Variants in POU2AF2 observed in about 807,000 individuals in gnomAD.
The protein encoded by POU2AF2 is POU domain class 2-associating factor 2.
the POU2AF2 span, among the ~76,000 whole-genome samples, chr11:111,276,011 G>C: frequency 0.01 from 1,548 of 152,226 alleles, 14 homozygotes; most frequent in South Asian, 0.017. Flanking sequence ...AAGGGATTTT[G>C]AGGATAATAG....
At chr11:111,262,824 C>T in the POU2AF2 span, among the ~76,000 whole-genome samples, 1 of 152,240 alleles carries the variant, frequency 6.6e-6, no homozygotes, top group African/African-American at 2.4e-5. Context: ...CTGATGTTTG[C>T]AACATGACCT....
chr11:111,262,081 T>C, the POU2AF2 span, among the ~76,000 whole-genome samples: 1 of 152,236 alleles, frequency 6.6e-6, no homozygotes, highest in Admixed American at 6.5e-5. Context: ...CCTAAATTCT[T>C]ACATTTAAAT....
the POU2AF2 span, among the ~76,000 whole-genome samples, chr11:111,272,981 A>C: frequency 7.9e-5 from 12 of 152,314 alleles, no homozygotes; most frequent in East Asian, 2.3e-3. Context: ...TTTCTGATGC[A>C]TAGTAGATGC....
At chr11:111,273,953 C>A in the POU2AF2 span, among the ~76,000 whole-genome samples, 1 of 152,140 alleles carries the variant, frequency 6.6e-6, no homozygotes, top group African/African-American at 2.4e-5. Context: ...AAATTATATA[C>A]CATCTCGCTT....
chr11:111,286,149 A>G, the POU2AF2 span: 3 of 1,419,894 alleles, frequency 2.1e-6, no homozygotes, highest in East Asian at 7.2e-5. Flanking sequence ...CTGGATTTTC[A>G]GAATAAGCCT....
the POU2AF2 span, among the ~76,000 whole-genome samples, chr11:111,267,583 T>C: frequency 6.6e-6 from 1 of 152,220 alleles, no homozygotes; most frequent in Non-Finnish European, 1.5e-5. Context: ...TGGGACTGGA[T>C]GCAGAATGCC....
the POU2AF2 span, among the ~76,000 whole-genome samples, chr11:111,264,550 AAGAAAGAAAGAAAGAAAGAAAGAAAGGG>A: frequency 1.8e-4 from 12 of 66,476 alleles, 2 homozygotes; most frequent in African/African-American, 5.2e-4. Flanking sequence ...GAAAGAAAGA[AAGAAAGAAAGAAAGAAAGAAAGAAAGGG>A]AGAGAGAAAG....
At chr11:111,266,071 T>C in the POU2AF2 span, among the ~76,000 whole-genome samples, 7 of 152,040 alleles carry the variant, frequency 4.6e-5, no homozygotes, top group Non-Finnish European at 7.4e-5. Context: ...CCTATAATTA[T>C]ACTTATCCAT....
At chr11:111,285,270 G>A in the POU2AF2 span, among the ~76,000 whole-genome samples, 2 of 152,284 alleles carry the variant, frequency 1.3e-5, no homozygotes, top group East Asian at 1.9e-4. Flanking sequence ...AGTGGGCCAA[G>A]CGCTGACCTT....
chr11:111,252,820 T>C, the POU2AF2 span, among the ~76,000 whole-genome samples: 1 of 152,096 alleles, frequency 6.6e-6, no homozygotes, highest in Non-Finnish European at 1.5e-5. Flanking sequence ...TAATTCTCTC[T>C]AATTATCACT....
the POU2AF2 span, among the ~76,000 whole-genome samples, chr11:111,270,265 C>G: frequency 2.0e-5 from 3 of 152,176 alleles, no homozygotes; most frequent in Admixed American, 6.5e-5. Context: ...ATTACATGCA[C>G]TATTACAAAA....
chr11:111,277,725 G>T, the POU2AF2 span, among the ~76,000 whole-genome samples: 1 of 152,354 alleles, frequency 6.6e-6, no homozygotes, highest in South Asian at 2.1e-4. Flanking sequence ...AGGAAGAGAA[G>T]GTGGGAGAAG....
At chr11:111,284,116 T>C in the POU2AF2 span, 2 of 1,614,078 alleles carry the variant, frequency 1.2e-6, no homozygotes, top group African/African-American at 2.7e-5. Context: ...TCAGAAGATC[T>C]TTCTTATCTG....
chr11:111,285,696 C>T, the POU2AF2 span: 1 of 1,613,836 alleles, frequency 6.2e-7, no homozygotes, highest in East Asian at 2.2e-5. Flanking sequence ...CTCAGCCAGC[C>T]TGACCCTGTG....
At chr11:111,273,065 C>G in the POU2AF2 span, among the ~76,000 whole-genome samples, 1 of 152,084 alleles carries the variant, frequency 6.6e-6, no homozygotes, top group Non-Finnish European at 1.5e-5. Flanking sequence ...AGATAAGTGG[C>G]CTATAAATCA....
the POU2AF2 span, among the ~76,000 whole-genome samples, chr11:111,269,824 C>A: frequency 6.6e-6 from 1 of 152,036 alleles, no homozygotes; most frequent in Non-Finnish European, 1.5e-5. Flanking sequence ...TATTTTGTGC[C>A]AAGCAGGAGA....
At chr11:111,283,980 AG>A in the POU2AF2 span, 1 of 1,111,152 alleles carries the variant, frequency 9.0e-7, no homozygotes, top group Non-Finnish European at 1.3e-6. Context: ...GGCACGCGTT[AG>A]TAACATCGTT....
At chr11:111,285,084 C>G in the POU2AF2 span, among the ~76,000 whole-genome samples, 1 of 152,170 alleles carries the variant, frequency 6.6e-6, no homozygotes. Context: ...ATGAAAGTCC[C>G]ATTTTACAGA....
chr11:111,276,453 A>AAAAAAAAAAAAAATAT, the POU2AF2 span, among the ~76,000 whole-genome samples: 12 of 37,668 alleles, frequency 3.2e-4, no homozygotes, highest in African/African-American at 1.1e-3. Context: ...AAAAAAAAAA[A>AAAAAAAAAAAAAATAT]ATATATATAT....
Sources: gnomAD v4.1 joint callset for allele counts (sites outside exome capture counted in the v4.1 genomes callset) on GRCh38, gnomAD v4.1.1 for gene constraint, MANE v1.5 for transcripts, NCBI Gene and HGNC (gene_info 2026-07-23, HGNC 2026-07-21) for gene names.